ASCC1: variants seen among roughly 807,000 people sequenced by gnomAD.
The protein encoded by ASCC1 is activating signal cointegrator 1 complex subunit 1, also known as ASC-1 complex subunit P50.
In ASCC1, 35 loss-of-function variants were observed where a neutral mutation model predicts 46.6. That is an observed-to-expected ratio of 0.75 (90% CI 0.57 to 0.99). The LOEUF is 0.99. ASCC1 is among the 50% of genes least tolerant of loss of function. ASCC1 has a pLI of 0.00. For synonymous variants in ASCC1, 143 were observed against 146.6 expected (o/e 0.98, Z 0.18); for missense variants, 376 against 428.7 (o/e 0.88, Z 1.09).
At chr10:72,152,125 T>G (rs1414786813) in intron 7 of ASCC1, among the ~76,000 whole-genome samples, 1 of 151,400 alleles carries the variant, frequency 6.6e-6, no homozygotes, top group Non-Finnish European at 1.5e-5. Flanking sequence ...CCTGAGCAGC[T>G]GAAACTACAG....
chr10:72,138,600 C>CTTTTTTTTTTTTTT (rs1011535460), intron 7 of ASCC1, among the ~76,000 whole-genome samples: 4 of 104,540 alleles, frequency 3.8e-5, no homozygotes, highest in Non-Finnish European at 7.3e-5. Context: ...TTCTTTCTTT[C>CTTTTTTTTTTTTTT]TTTTTTTTTT....
chr10:72,211,822 C>CA (rs968215347), intron 2 of ASCC1, among the ~76,000 whole-genome samples: 34 of 140,604 alleles, frequency 2.4e-4, no homozygotes, highest in African/African-American at 5.0e-4. Context: ...GACTCCGCCT[C>CA]AAAAAAAAAA....
chr10:72,135,566 G>A (rs7897324), intron 7 of ASCC1, among the ~76,000 whole-genome samples: 15,884 of 152,204 alleles, frequency 0.1, 2,558 homozygotes, highest in African/African-American at 0.34. Flanking sequence ...TCGGAGAGGT[G>A]TGACCAGGTT....
At chr10:72,198,495 C>T (rs2079142830) in intron 4 of ASCC1, 1 of 454,092 alleles carries the variant, frequency 2.2e-6, no homozygotes, top group Admixed American at 2.4e-5. Flanking sequence ...GGAGGATTGC[C>T]TGAGGCCAGG....
chr10:72,190,189 G>T (rs985091771), intron 5 of ASCC1: 8 of 763,938 alleles, frequency 1.0e-5, no homozygotes, highest in Non-Finnish European at 1.9e-5. Context: ...CTTACGGCAA[G>T]CCTGTCCATC....
chr10:72,199,441 G>A (rs556770196), intron 4 of ASCC1, among the ~76,000 whole-genome samples: 1 of 152,108 alleles, frequency 6.6e-6, no homozygotes, highest in African/African-American at 2.4e-5. Flanking sequence ...GGGATTACAG[G>A]TGTGCACCAC....
At chr10:72,154,949 G>C (rs1040340931) in intron 6 of ASCC1, among the ~76,000 whole-genome samples, 2 of 152,062 alleles carry the variant, frequency 1.3e-5, no homozygotes, top group African/African-American at 2.4e-5. Context: ...TTTAGGTACT[G>C]ATATAAAACA....
intron 9 of ASCC1, among the ~76,000 whole-genome samples, chr10:72,106,248 A>G (rs971148777): frequency 4.0e-5 from 6 of 151,678 alleles, no homozygotes; most frequent in South Asian, 2.1e-4. Flanking sequence ...GCTATTTATA[A>G]TCATTCTTGA....
At chr10:72,198,625 G>C in intron 4 of ASCC1, 1 of 455,898 alleles carries the variant, frequency 2.2e-6, no homozygotes, top group Middle Eastern at 3.3e-4. Context: ...TCCTTGTCTA[G>C]AGGATTAAAA....
chr10:72,165,151 G>A (rs1850185228), intron 5 of ASCC1, among the ~76,000 whole-genome samples: 1 of 151,750 alleles, frequency 6.6e-6, no homozygotes, highest in Admixed American at 6.6e-5. Flanking sequence ...TTTCGCTCTT[G>A]TTGCCCAGGC....
At position 72,196,900 on chromosome 10, in the gene ASCC1, T is replaced by C; in HGVS notation, c.400A>G (p.Thr134Ala). The change falls in exon 5 of 10, where the codon ACT (threonine) becomes GCT (alanine). Residue 134 changes from threonine to alanine, a missense_variant. Physicochemically the swap from Thr to Ala is moderately conservative, Grantham distance 58. Transcript: ENST00000672957. ...LDTFRRKQPF[T>A]HFLAFFLNEV... ...TTGAGGAAAAAGGCAAGGAAGTGAG[T>C]GAAGGGCTGCTTTCTTCGAAAAGTG... The C allele has an allele frequency of 3.7e-6, 6 of 1,613,542 alleles. No homozygotes were observed. The highest frequency in any genetic ancestry group is 5.1e-6 in the Non-Finnish European group (6 of 1,179,994).
At chr10:72,214,098 C>A (rs1189221159) in intron 1 of ASCC1, among the ~76,000 whole-genome samples, 1 of 149,068 alleles carries the variant, frequency 6.7e-6, no homozygotes, top group African/African-American at 2.5e-5. Flanking sequence ...TACACCTGTA[C>A]TCCCAGCACT....
At chr10:72,199,028 G>A (rs1360276571) in intron 4 of ASCC1, among the ~76,000 whole-genome samples, 1 of 151,846 alleles carries the variant, frequency 6.6e-6, no homozygotes, top group Non-Finnish European at 1.5e-5. Flanking sequence ...TGTTGGCCAG[G>A]CTGGTCTCAA....
At chr10:72,119,490 T>C (rs1051408879) in intron 9 of ASCC1, among the ~76,000 whole-genome samples, 4 of 152,092 alleles carry the variant, frequency 2.6e-5, no homozygotes, top group African/African-American at 4.8e-5. Flanking sequence ...GTCTTCCACA[T>C]AGGGGCCCCT....
chr10:72,190,475 C>T (rs1854252520), intron 5 of ASCC1: 2 of 1,598,758 alleles, frequency 1.3e-6, no homozygotes, highest in South Asian at 1.1e-5. Context: ...CCGAAAGAGC[C>T]GTGGCCTTGG....
At chr10:72,108,694 C>A (rs1418324410) in intron 9 of ASCC1, among the ~76,000 whole-genome samples, 1 of 152,194 alleles carries the variant, frequency 6.6e-6, no homozygotes, top group Non-Finnish European at 1.5e-5. Context: ...CCCCCAATTT[C>A]TCCATCTTTA....
chr10:72,204,358 AC>A, intron 3 of ASCC1: 1 of 1,546,954 alleles, frequency 6.5e-7, no homozygotes, highest in Non-Finnish European at 8.7e-7. Context: ...TGAAGACGGG[AC>A]ATGAGCTCAC....
At chr10:72,157,848 A>C (rs1011548363) in intron 6 of ASCC1, among the ~76,000 whole-genome samples, 4 of 152,164 alleles carry the variant, frequency 2.6e-5, no homozygotes, top group African/African-American at 9.7e-5. Context: ...TCTTTTTGTA[A>C]TTTAGTTCAA....
chr10:72,183,489 C>T (rs576085045), intron 5 of ASCC1, among the ~76,000 whole-genome samples: 1 of 152,070 alleles, frequency 6.6e-6, no homozygotes, highest in African/African-American at 2.4e-5. Flanking sequence ...AAAGGCCCAT[C>T]TCTACAAAAA....
Sources: allele counts gnomAD v4.1 joint callset (sites outside exome capture counted in the v4.1 genomes callset), GRCh38; gene constraint gnomAD v4.1.1; transcripts MANE v1.5; gene names NCBI Gene and HGNC (gene_info 2026-07-23, HGNC 2026-07-21).